TTK: variants seen among roughly 807,000 people sequenced by gnomAD.
The protein encoded by TTK is TTK protein kinase, also known as dual specificity protein kinase TTK.
Under a neutral mutation model 117.3 loss-of-function variants are expected in TTK, and 59 were observed. The ratio of observed to expected loss-of-function variants is 0.50; its 90% CI spans 0.41 to 0.62. The LOEUF (loss-of-function observed/expected upper bound fraction) is 0.62, where lower values mean the gene tolerates loss of function less well. Ranked by LOEUF, TTK falls within the 20% of genes least tolerant of loss-of-function variation. The pLI, the probability that TTK is intolerant of heterozygous loss-of-function variation, is 0.00. For synonymous variants in TTK, 302 were observed against 325.0 expected, an observed-to-expected ratio of 0.93 and a Z score of 0.76; for missense variants, 921 against 989.4, an observed-to-expected ratio of 0.93 and a Z score of 0.93.
At chr6:80,039,016 T>C (rs534851939) in intron 18 of TTK, among the ~76,000 whole-genome samples, 1 of 152,222 alleles carries the variant, frequency 6.6e-6, no homozygotes, top group South Asian at 2.1e-4. Flanking sequence ...ACACATAGCA[T>C]TACCAGTTAG....
At chr6:80,008,610 T>A in intron 4 of TTK, 118 bp downstream of exon 4, 1 of 872,470 alleles carries the variant, frequency 1.1e-6, no homozygotes, top group Admixed American at 3.1e-5. Flanking sequence ...TTAAAGTTGA[T>A]CAGATGAGAA....
At chr6:80,014,337 A>G (rs1265046755) in intron 9 of TTK, 126 bp from the exon 10 acceptor site, 1 of 738,976 alleles carries the variant, frequency 1.4e-6, no homozygotes, top group Non-Finnish European at 1.9e-6. Context: ...GTGAGTCTAC[A>G]TATAATTATA....
At chr6:80,031,648 T>A in intron 14 of TTK, 89 bp downstream of exon 14, 1 of 999,948 alleles carries the variant, frequency 1.0e-6, no homozygotes, top group South Asian at 1.9e-5. Flanking sequence ...CTGCTTTTCC[T>A]TTACTTCTAG....
intron 10 of TTK, among the ~76,000 whole-genome samples, chr6:80,015,006 A>T (rs1767268675): frequency 6.6e-6 from 1 of 152,172 alleles, no homozygotes; most frequent in South Asian, 2.1e-4. Context: ...TCAGTGTGGA[A>T]GATACACAGA....
chr6:80,031,462 T>C lies in TTK; in HGVS notation c.1522-5T>C, dbSNP rs973326320. The C allele has an allele frequency of 8.1e-6, 12 of 1,481,970 alleles. No individual in the cohort carries two copies. The highest frequency in any genetic ancestry group is 9.8e-6 in the Non-Finnish European group (11 of 1,119,630). 91.8% of individuals were successfully genotyped at this position (1,481,970 alleles called of 1,614,324 possible). A position where few individuals can be genotyped will look rare whatever the true frequency, so the allele number is the denominator to read the frequency against. On this transcript the variant is annotated splice_region_variant and splice_polypyrimidine_tract_variant and intron_variant, in intron 13 of 21. Coordinates refer to ENST00000369798, the MANE Select transcript of TTK (RefSeq NM_003318.5). The stretch of plus-strand genomic sequence containing the variant: ...AACTTTTATTTATATATTTTACTTA[T>C]TTAGGTTTTAGCATCTTCTTCAGCA...
At chr6:80,023,082 C>T (rs1767506868) in intron 11 of TTK, among the ~76,000 whole-genome samples, 1 of 152,196 alleles carries the variant, frequency 6.6e-6, no homozygotes, top group Non-Finnish European at 1.5e-5. Context: ...GCTATAGCTG[C>T]AGTTCATGGC....
intron 13 of TTK, among the ~76,000 whole-genome samples, chr6:80,030,185 G>A (rs1767718448): frequency 6.6e-6 from 1 of 152,152 alleles, no homozygotes; most frequent in Non-Finnish European, 1.5e-5. Flanking sequence ...TTCAGACCTT[G>A]TTTAACTTGG....
At chr6:80,017,109 A>G (rs371660127) in intron 10 of TTK, among the ~76,000 whole-genome samples, 21 of 152,152 alleles carry the variant, frequency 1.4e-4, no homozygotes, top group East Asian at 9.6e-4. Context: ...ATGTTTACAT[A>G]TGTGTAAGAT....
In TTK at chr6:80,042,420, G is replaced by T. The variant is rs1340122912; in HGVS notation, c.*218G>T. On this transcript the variant is annotated 3_prime_UTR_variant, in exon 22 of 22. Coordinates refer to ENST00000369798, the MANE Select transcript of TTK (RefSeq NM_003318.5). Reference sequence around the variant, plus strand: ...CTTGTTTTCTCTGTTTTATGCTCTTGTGTAATCTACTTGACATCATTTTAC... The same window carrying T: ...CTTGTTTTCTCTGTTTTATGCTCTTTTGTAATCTACTTGACATCATTTTAC... The T allele has an allele frequency of 9.7e-6, 3 of 308,470 alleles. No homozygotes were observed. Among genetic ancestry groups the T allele is most frequent in the Admixed American group, 9.8e-5 (2 of 20,472 alleles). 19.1% of individuals were successfully genotyped at this position (308,470 alleles called of 1,614,324 possible). A position where few individuals can be genotyped will look rare whatever the true frequency, so the allele number is the denominator to read the frequency against.
At chr6:80,038,140 G>C in intron 18 of TTK, 93 bp downstream of exon 18, 1 of 873,680 alleles carries the variant, frequency 1.1e-6, no homozygotes, top group Non-Finnish European at 1.6e-6. Context: ...ATTTCTTTAA[G>C]TTCTAAAACT....
chr6:80,013,470 A>G (rs146996229), intron 9 of TTK, 104 bp downstream of exon 9: 3 of 942,452 alleles, frequency 3.2e-6, no homozygotes, highest in East Asian at 5.4e-5. Flanking sequence ...TAGTTCATGT[A>G]TCTCCAACAG....
chr6:80,005,384 T>A (rs1051208906), intron 1 of TTK, among the ~76,000 whole-genome samples: 2 of 152,232 alleles, frequency 1.3e-5, no homozygotes, highest in Admixed American at 1.3e-4. Context: ...CCATCATGTT[T>A]ATATTCTGCT....
intron 14 of TTK, among the ~76,000 whole-genome samples, chr6:80,033,393 G>A (rs11446289): frequency 0.01 from 1,595 of 152,074 alleles, 11 homozygotes; most frequent in Non-Finnish European, 0.017. Context: ...ATTCCCCACC[G>A]GTTTGTTTTT....
chr6:80,007,799 C>A lies in TTK; in HGVS notation c.140-10C>A. On this transcript the variant is annotated splice_polypyrimidine_tract_variant and intron_variant, in intron 2 of 21. Transcript: ENST00000369798. ...CTTTTCTTGTGATATATTTTGTTCC[C>A]CTTATTTAGATAACTCGGGAACTGT... 1 of 1,595,160 alleles carries A rather than the reference C, an allele frequency of 6.3e-7. No individual in the cohort carries two copies. The highest frequency in any genetic ancestry group is 8.5e-7 in the Non-Finnish European group (1 of 1,169,926).
intron 11 of TTK, among the ~76,000 whole-genome samples, chr6:80,023,093 C>T (rs978166820): frequency 6.6e-6 from 1 of 152,152 alleles, no homozygotes; most frequent in Non-Finnish European, 1.5e-5. Flanking sequence ...AGTTCATGGC[C>T]ATAGTTTCCT....
At chr6:80,027,428 A>G (rs1767635015) in intron 12 of TTK, among the ~76,000 whole-genome samples, 1 of 152,218 alleles carries the variant, frequency 6.6e-6, no homozygotes, top group Non-Finnish European at 1.5e-5. Context: ...TTGAGGATAT[A>G]TTAATAGCAA....
chr6:80,022,912 C>T (rs1767501212), intron 11 of TTK, among the ~76,000 whole-genome samples: 1 of 152,214 alleles, frequency 6.6e-6, no homozygotes, highest in African/African-American at 2.4e-5. Flanking sequence ...GATCTCTGAA[C>T]TAGCGCAGTG....
chr6:80,009,846 A>G (rs1756439348), intron 4 of TTK, among the ~76,000 whole-genome samples: 1 of 152,024 alleles, frequency 6.6e-6, no homozygotes, highest in African/African-American at 2.4e-5. Flanking sequence ...GATGGAGGAC[A>G]TTTCAGTTTT....
intron 4 of TTK, 48 bp from the exon 5 acceptor site, chr6:80,010,766 G>T (rs1304754091): frequency 1.3e-6 from 2 of 1,518,648 alleles, no homozygotes; most frequent in Non-Finnish European, 8.8e-7. Context: ...GGTCTGGGTG[G>T]TGGGCATTTT....
Sources: gnomAD v4.1 joint callset for allele counts (sites outside exome capture counted in the v4.1 genomes callset) on GRCh38, gnomAD v4.1.1 for gene constraint, MANE v1.5 for transcripts, NCBI Gene and HGNC (gene_info 2026-07-23, HGNC 2026-07-21) for gene names.